RUFY3: variants seen among roughly 807,000 people sequenced by gnomAD.
The protein encoded by RUFY3 is protein RUFY3.
Under a neutral mutation model 84.0 loss-of-function variants are expected in RUFY3, and 34 were observed. The ratio of observed to expected loss-of-function variants is 0.40; its 90% CI spans 0.31 to 0.54. RUFY3 has a LOEUF of 0.54. Ranked by LOEUF, RUFY3 falls within the 20% of genes least tolerant of loss-of-function variation. RUFY3 has a pLI of 0.39. For synonymous variants in RUFY3, 242 were observed against 252.9 expected (o/e 0.96, Z 0.41); for missense variants, 507 against 736.8 (o/e 0.69, Z 3.61).
chr4:70,722,732 C>A lies in RUFY3; in HGVS notation c.159C>A (p.Asp53Glu). 6.2e-7 allele frequency: 1 copy of A among 1,613,994 alleles called. No individual in the cohort carries two copies. The highest frequency in any genetic ancestry group is 8.5e-7 in the Non-Finnish European group (1 of 1,179,962). Residue 53 changes from aspartate (D) to glutamate (E), a missense_variant, in exon 1 of 18, where the codon GAC becomes GAA. Around this residue, in one of 4 missense-constraint regions of RUFY3, gnomAD observed 133 missense variants for 301.1 expected, o/e 0.44. Transcript: ENST00000381006. ...RELDDISLTPDPEPTHEDPNY... is the reference protein window; with the variant it reads ...RELDDISLTPEPEPTHEDPNY... ...TGGATGACATCTCACTTACACCTGA[C>A]CCAGAGCCTACCCATGAAGGTATGG...
At chr4:70,759,356 TTGTGTGTGTGTGTGTATGTGTG>T (rs1724615085) in intron 1 of RUFY3, among the ~76,000 whole-genome samples, 1 of 119,910 alleles carries the variant, frequency 8.3e-6, no homozygotes, top group Non-Finnish European at 1.7e-5. Flanking sequence ...ATGGCTGAAT[TTGTGTGTGTGTGTGTATGTGTG>T]TGTGTGTGTG....
chr4:70,735,752 C>T (rs531808596), intron 1 of RUFY3, among the ~76,000 whole-genome samples: 4 of 152,014 alleles, frequency 2.6e-5, no homozygotes, highest in African/African-American at 4.8e-5. Flanking sequence ...TTTCAGAGGT[C>T]GAGGCGGGTG....
intron 14 of RUFY3, among the ~76,000 whole-genome samples, chr4:70,798,083 A>T (rs907360695): frequency 2.0e-5 from 3 of 151,978 alleles, no homozygotes; most frequent in South Asian, 4.2e-4. Context: ...GTAAGAACAC[A>T]CATCTCAGCT....
chr4:70,801,309 ATAGAC>A (rs1267207985), intron 15 of RUFY3, among the ~76,000 whole-genome samples: 4 of 152,138 alleles, frequency 2.6e-5, no homozygotes, highest in Non-Finnish European at 5.9e-5. Context: ...TGACCACACT[ATAGAC>A]TAGACACCAC....
intron 5 of RUFY3, among the ~76,000 whole-genome samples, chr4:70,772,849 C>A (rs1404028609): frequency 6.6e-6 from 1 of 152,064 alleles, no homozygotes; most frequent in Non-Finnish European, 1.5e-5. Context: ...TTAGTAGAGA[C>A]AGGGTTTCTC....
rs1399839580 is a variant in RUFY3, at chr4:70,783,237, T to C, written c.987+54T>C. The C allele has an allele frequency of 6.1e-6, 7 of 1,144,474 alleles. No homozygotes were observed. In the East Asian group the frequency reaches 1.4e-4, roughly 23 times the overall value. The allele number at this position is 1,144,474 out of a possible 1,614,324, so 70.9% of individuals were successfully genotyped here. A position where few individuals can be genotyped will look rare whatever the true frequency, so the allele number is the denominator to read the frequency against. ...CACTGAGAGCATATCAACTTGTTAGTGGTAAAGGGGAGTCTCTAAAGGACT... is the reference window on the plus strand; with the variant it reads ...CACTGAGAGCATATCAACTTGTTAGCGGTAAAGGGGAGTCTCTAAAGGACT... On this transcript the variant is annotated intron_variant, in intron 9 of 17. Transcript: ENST00000381006.
At chr4:70,710,250 G>A (rs1740820223) in intron 1 of RUFY3, among the ~76,000 whole-genome samples, 1 of 152,134 alleles carries the variant, frequency 6.6e-6, no homozygotes, top group Non-Finnish European at 1.5e-5. Flanking sequence ...CATATATATT[G>A]CATGCATGCA....
At chr4:70,708,303 T>G (rs568742665) in intron 1 of RUFY3, among the ~76,000 whole-genome samples, 1 of 152,084 alleles carries the variant, frequency 6.6e-6, no homozygotes, top group East Asian at 1.9e-4. Flanking sequence ...TCCCAAGTAG[T>G]TGGGATTACA....
chr4:70,794,846 C>A lies in RUFY3; in HGVS notation c.1509C>A (p.Asn503Lys). The A allele has an allele frequency of 6.2e-7, 1 of 1,613,182 alleles. No individual in the cohort carries two copies. ...AGGAAAAAGAAAGAAGATTACAAAA[C>A]GACAGGAGCATCCCAGGAAGGGGTT... ...LKQEKERRLQ[N>K]DRSIPGRGSQ... Residue 503 changes from asparagine to lysine, a missense_variant, in exon 14 of 18, where the codon AAC becomes AAA. By Grantham distance (94) the Asn-to-Lys change is moderately conservative. Coordinates refer to ENST00000381006, the MANE Select transcript of RUFY3 (RefSeq NM_001037442.4).
intron 15 of RUFY3, among the ~76,000 whole-genome samples, chr4:70,801,163 CAAAAAAA>C (rs561597683): frequency 6.2e-5 from 4 of 64,272 alleles, no homozygotes; most frequent in South Asian, 9.1e-4. Flanking sequence ...ACTATGGAGA[CAAAAAAA>C]AAAAAAAAAA....
At chr4:70,781,098 A>G (rs889588028) in intron 8 of RUFY3, among the ~76,000 whole-genome samples, 18 of 151,248 alleles carry the variant, frequency 1.2e-4, no homozygotes, top group Non-Finnish European at 2.2e-4. Flanking sequence ...AAAAAAAAAA[A>G]GGGCCAGTAA....
At chr4:70,751,643 T>A (rs574668975) in intron 1 of RUFY3, among the ~76,000 whole-genome samples, 2 of 152,344 alleles carry the variant, frequency 1.3e-5, no homozygotes, top group African/African-American at 4.8e-5. Context: ...TTATACATTC[T>A]GGATATTGGA....
At chr4:70,737,302 A>G (rs1306864123) in intron 1 of RUFY3, among the ~76,000 whole-genome samples, 1 of 152,152 alleles carries the variant, frequency 6.6e-6, no homozygotes, top group Non-Finnish European at 1.5e-5. Context: ...TAATTGTGCA[A>G]TGAGAAACTG....
At chr4:70,795,440 A>C (rs917643245) in intron 14 of RUFY3, among the ~76,000 whole-genome samples, 37 of 152,184 alleles carry the variant, frequency 2.4e-4, no homozygotes, top group African/African-American at 8.9e-4. Context: ...CTACATAATA[A>C]TCTTAGAAGG....
Position 70,775,180 on chromosome 4 carries a change from T to G in RUFY3, c.771T>G (p.Ile257Met), listed in dbSNP as rs1560533383. The change falls in exon 7 of 18, where the codon ATT becomes ATG. Residue 257 changes from isoleucine (I) to methionine (M), a missense_variant. This residue lies in a region of RUFY3 where 23 missense variants were observed against 17.0 expected (regional missense o/e 1.36). Transcript: ENST00000381006. ...SSKGTEGDGQ[I>M]TAILDQKNYV... ...CCCCTTCCCCCAGAGACGGTCAGAT[T>G]ACTGCAATTCTGGACCAGAAGAACT... 3 of 1,601,214 alleles carry G rather than the reference T, an allele frequency of 1.9e-6. No homozygotes were observed. Among genetic ancestry groups the G allele is most frequent in the Non-Finnish European group, 1.7e-6 (2 of 1,171,744 alleles).
intron 12 of RUFY3, chr4:70,792,559 A>G (rs1730989138): frequency 1.0e-6 from 1 of 985,304 alleles, no homozygotes. Context: ...ATAAGCCTTC[A>G]TTCCTTCAAA....
chr4:70,774,275 C>T (rs926846448), intron 6 of RUFY3, among the ~76,000 whole-genome samples: 3 of 151,750 alleles, frequency 2.0e-5, no homozygotes, highest in African/African-American at 4.8e-5. Flanking sequence ...TGGTTGTAGA[C>T]GTGAACCTTC....
At chr4:70,796,520 G>A (rs1222192608) in intron 14 of RUFY3, among the ~76,000 whole-genome samples, 1 of 152,114 alleles carries the variant, frequency 6.6e-6, no homozygotes, top group Non-Finnish European at 1.5e-5. Context: ...CAGCTGATAC[G>A]GGCACAACAG....
chr4:70,723,522 GC>G (rs1365617468), intron 1 of RUFY3, among the ~76,000 whole-genome samples: 124 of 151,934 alleles, frequency 8.2e-4, no homozygotes, highest in Admixed American at 6.9e-3. Context: ...CTCTTGACTT[GC>G]GACTTTTTTC....
Sources: allele counts gnomAD v4.1 joint callset (sites outside exome capture counted in the v4.1 genomes callset), GRCh38; gene constraint gnomAD v4.1.1; regional missense constraint gnomAD v4.1.1; transcripts MANE v1.5; gene names NCBI Gene and HGNC (gene_info 2026-07-23, HGNC 2026-07-21).